NEBL: variants seen among roughly 807,000 people sequenced by gnomAD.
NEBL encodes nebulette.
Under a neutral mutation model 140.2 loss-of-function variants are expected in NEBL, and 122 were observed. The observed-to-expected ratio is 0.87, with a 90% CI of 0.75 to 1.01. The LOEUF (loss-of-function observed/expected upper bound fraction) is 1.01, where lower values mean the gene tolerates loss of function less well. Ranked by LOEUF, NEBL falls within the 50% of genes least tolerant of loss-of-function variation. The pLI, the probability that NEBL is intolerant of heterozygous loss-of-function variation, is 0.00. For synonymous variants in NEBL, 436 were observed against 398.9 expected, an observed-to-expected ratio of 1.09 and a Z score of -1.11; for missense variants, 1,365 against 1,231.3, an observed-to-expected ratio of 1.11 and a Z score of -1.62.
intron 2 of NEBL, chr10:21,030,060 C>T: frequency 2.1e-6 from 1 of 475,052 alleles, no homozygotes; most frequent in South Asian, 2.0e-5. Context: ...TCTGCTAGTA[C>T]CTCCCAGTCC....
chr10:20,991,776 C>T (rs1029544047), intron 3 of NEBL, among the ~76,000 whole-genome samples: 1 of 150,092 alleles, frequency 6.7e-6, no homozygotes, highest in African/African-American at 2.5e-5. Flanking sequence ...CCCCCCCTCC[C>T]CTTTTTGGAA....
intron 2 of NEBL, among the ~76,000 whole-genome samples, chr10:21,167,513 T>G (rs1310132749): frequency 6.6e-6 from 1 of 152,238 alleles, no homozygotes; most frequent in African/African-American, 2.4e-5. Context: ...CCAGACCTAA[T>G]ATAACTTGAC....
chr10:20,842,649 G>A (rs934248331), intron 12 of NEBL, among the ~76,000 whole-genome samples: 1 of 151,928 alleles, frequency 6.6e-6, no homozygotes, highest in Admixed American at 6.6e-5. Context: ...GTACAGAATT[G>A]CCATAATTTA....
At chr10:21,144,956 TA>T (rs34036235) in intron 2 of NEBL, among the ~76,000 whole-genome samples, 35,310 of 122,900 alleles carry the variant, frequency 0.29, 4,623 homozygotes, top group African/African-American at 0.39. Flanking sequence ...CCCTTCAAAT[TA>T]AAAAAAAAAA....
At chr10:21,288,941 C>T (rs1228129572) in intron 1 of NEBL, among the ~76,000 whole-genome samples, 5 of 144,040 alleles carry the variant, frequency 3.5e-5, no homozygotes, top group African/African-American at 5.1e-5. Flanking sequence ...CTCTGCCTCC[C>T]GGGTTCAAGC....
chr10:20,823,190 CTTAA>C lies in NEBL; in HGVS notation c.1962+14_1962+17del. 9 of 1,571,828 alleles carry C rather than the reference CTTAA, an allele frequency of 5.7e-6. No individual in the cohort carries two copies. The highest frequency in any genetic ancestry group is 7.8e-6 in the Non-Finnish European group (9 of 1,147,944). Reference sequence around the variant, plus strand: ...TATACAATAAAATTTTTAAAAAATACTTAAGAAATATGATCACATTGCTGATGTT... The same window carrying C: ...TATACAATAAAATTTTTAAAAAATACGAAATATGATCACATTGCTGATGTT... On this transcript the variant is annotated intron_variant, in intron 19 of 27. Coordinates refer to ENST00000377122, the MANE Select transcript of NEBL (RefSeq NM_006393.3).
intron 2 of NEBL, among the ~76,000 whole-genome samples, chr10:21,089,688 C>T (rs371836531): frequency 2.6e-5 from 4 of 151,948 alleles, no homozygotes; most frequent in East Asian, 1.9e-4. Context: ...GAATGGGAAG[C>T]GGGGAGGCAG....
chr10:20,863,893 T>C (rs788996), intron 7 of NEBL, among the ~76,000 whole-genome samples: 146,688 of 152,276 alleles, frequency 0.96, 70,832 homozygotes, highest in Middle Eastern at 1. Context: ...AGGAACATGA[T>C]ATTTGAGCTG....
intron 2 of NEBL, among the ~76,000 whole-genome samples, chr10:21,025,160 A>T (rs976474793): frequency 6.6e-6 from 1 of 152,350 alleles, no homozygotes. Flanking sequence ...AAACAAAAAA[A>T]AAAGGAGGAA....
In NEBL at chr10:20,819,475, G is replaced by T; in HGVS notation, c.2004C>A (p.Ser668Arg). 6.2e-7 allele frequency: 1 copy of T among 1,613,996 alleles called. No individual in the cohort carries two copies. The highest frequency in any genetic ancestry group is 1.1e-5 in the South Asian group (1 of 91,080). Residue 668 changes from serine (S) to arginine (R), a missense_variant, in exon 20 of 28, where the codon AGC becomes AGA. This residue lies in a region of NEBL where 1,323 missense variants were observed against 1,154.8 expected (regional missense o/e 1.15). Coordinates refer to ENST00000377122, the MANE Select transcript of NEBL (RefSeq NM_006393.3). ...KEQNYKATPV[S>R]MTPEIERVRR... ...TCACTCTCTCTATCTCCGGGGTCAT[G>T]CTTACCGGAGTGGCCTTGTAGTTTT... is the stretch of plus-strand genomic sequence containing the variant.
chr10:20,956,958 T>G (rs941325966), intron 4 of NEBL, among the ~76,000 whole-genome samples: 1 of 152,202 alleles, frequency 6.6e-6, no homozygotes, highest in Non-Finnish European at 1.5e-5. Context: ...TTCTCTTGAC[T>G]GCTTGTCTTC....
At chr10:21,135,631 A>C (rs1468641713) in intron 2 of NEBL, among the ~76,000 whole-genome samples, 6 of 152,140 alleles carry the variant, frequency 3.9e-5, no homozygotes, top group Admixed American at 1.3e-4. Context: ...GGGTGCACCA[A>C]ATCTACTCAG....
At chr10:20,822,283 C>T (rs1839397170) in intron 19 of NEBL, among the ~76,000 whole-genome samples, 1 of 152,004 alleles carries the variant, frequency 6.6e-6, no homozygotes, top group African/African-American at 2.4e-5. Context: ...CATTCAATAA[C>T]ACATTTCATG....
intron 2 of NEBL, among the ~76,000 whole-genome samples, chr10:21,086,466 TC>T (rs1170863362): frequency 6.6e-6 from 1 of 152,194 alleles, no homozygotes; most frequent in Non-Finnish European, 1.5e-5. Flanking sequence ...GAATTTCATT[TC>T]TGAAGGTGCA....
chr10:21,089,666 T>A (rs76983495), intron 2 of NEBL, among the ~76,000 whole-genome samples: 3,374 of 152,160 alleles, frequency 0.022, 131 homozygotes, highest in African/African-American at 0.074. Flanking sequence ...CTGCTCTCAA[T>A]GATTGATAGG....
intron 2 of NEBL, among the ~76,000 whole-genome samples, chr10:21,041,088 C>T (rs563147567): frequency 6.6e-6 from 1 of 152,230 alleles, no homozygotes; most frequent in East Asian, 1.9e-4. Context: ...TCAAGGGCTC[C>T]ATGTGCAGAT....
intron 4 of NEBL, among the ~76,000 whole-genome samples, chr10:20,933,588 GC>G (rs11311853): frequency 0.039 from 5,964 of 152,200 alleles, 271 homozygotes; most frequent in East Asian, 0.15. Flanking sequence ...ACAAAAATTA[GC>G]CGGGTGTGGT....
chr10:20,960,820 T>C (rs1156877062), intron 4 of NEBL, among the ~76,000 whole-genome samples: 1 of 152,088 alleles, frequency 6.6e-6, no homozygotes, highest in Non-Finnish European at 1.5e-5. Context: ...TAAGGCTACA[T>C]CAGTTATAAC....
At chr10:21,262,112 C>A (rs1381034771) in intron 1 of NEBL, among the ~76,000 whole-genome samples, 1 of 152,170 alleles carries the variant, frequency 6.6e-6, no homozygotes, top group Admixed American at 6.5e-5. Flanking sequence ...CTGGCACACA[C>A]GCCTGGTGAT....
Sources: allele counts gnomAD v4.1 joint callset (sites outside exome capture counted in the v4.1 genomes callset), GRCh38; gene constraint gnomAD v4.1.1; regional missense constraint gnomAD v4.1.1; transcripts MANE v1.5; gene names NCBI Gene and HGNC (gene_info 2026-07-23, HGNC 2026-07-21).